Variants in SRRM4 observed in about 807,000 individuals in gnomAD.
SRRM4 encodes serine/arginine repetitive matrix protein 4.
A neutral mutation model predicts 68.9 loss-of-function variants in SRRM4; 33 were observed. The ratio of observed to expected loss-of-function variants is 0.48; its 90% confidence interval spans 0.36 to 0.64. The LOEUF (loss-of-function observed/expected upper bound fraction) is 0.64, where lower values mean the gene tolerates loss of function less well. Ranked by LOEUF, SRRM4 falls within the 30% of genes least tolerant of loss-of-function variation. The pLI, the probability that SRRM4 is intolerant of heterozygous loss-of-function variation, is 0.00. For missense variants in SRRM4, 817 were observed against 827.1 expected (o/e 0.99, Z 0.15); for synonymous variants, 318 against 318.8 (o/e 1.00, Z 0.03).
At position 119,154,408 on chromosome 12, in the gene SRRM4, C is replaced by T. The variant is rs548867491; in HGVS notation, c.1532+25C>T. The stretch of plus-strand genomic sequence containing the variant: ...GGTGAGGCCAGGGGGCAAGGGGGAC[C>T]CACCTTCATCCTCGTTCCCACTCCC... On this transcript the variant is annotated intron_variant, in intron 12 of 12. Transcript: ENST00000267260. This position sits in a 1 kb window ranked among gnomAD's most constrained non-coding sequence, Gnocchi z 4.7. 7.5e-6 allele frequency: 12 copies of T among 1,608,070 alleles called. No individual in the cohort carries two copies. In the South Asian group the frequency reaches 8.9e-5, roughly 12 times the overall value.
At chr12:119,109,114 G>T (rs1954126388) in intron 2 of SRRM4, among the ~76,000 whole-genome samples, 1 of 152,148 alleles carries the variant, frequency 6.6e-6, no homozygotes, top group Non-Finnish European at 1.5e-5. Context: ...ATTCTGGGTT[G>T]AAAATTCTTT....
At chr12:119,035,301 C>T (rs1369565715) in intron 1 of SRRM4, among the ~76,000 whole-genome samples, 1 of 152,122 alleles carries the variant, frequency 6.6e-6, no homozygotes, top group Admixed American at 6.5e-5. Flanking sequence ...TAGTAATTCT[C>T]CCCTGCTTTG....
intron 6 of SRRM4, among the ~76,000 whole-genome samples, chr12:119,122,890 C>T (rs1015072436): frequency 1.3e-5 from 2 of 152,122 alleles, no homozygotes; most frequent in Non-Finnish European, 2.9e-5. Flanking sequence ...GTCAGTTAAG[C>T]TCCTAGCTCC....
intron 1 of SRRM4, among the ~76,000 whole-genome samples, chr12:119,046,214 T>A (rs1337906461): frequency 6.6e-6 from 1 of 152,108 alleles, no homozygotes; most frequent in African/African-American, 2.4e-5. Context: ...GCAGTGGTCC[T>A]ATCTTCACCC....
At chr12:119,050,407 G>T (rs1349479795) in intron 1 of SRRM4, among the ~76,000 whole-genome samples, 2 of 152,196 alleles carry the variant, frequency 1.3e-5, no homozygotes, top group Non-Finnish European at 2.9e-5. Flanking sequence ...AGGGCCTCTT[G>T]GGGATTTTGC....
intron 1 of SRRM4, among the ~76,000 whole-genome samples, chr12:119,079,001 G>A (rs368047218): frequency 6.6e-6 from 1 of 152,222 alleles, no homozygotes; most frequent in East Asian, 1.9e-4. Flanking sequence ...TGGACGCTGT[G>A]TTAGATTCTG....
chr12:119,121,217 T>G (rs1011222459), intron 5 of SRRM4, among the ~76,000 whole-genome samples: 3 of 152,190 alleles, frequency 2.0e-5, no homozygotes, highest in African/African-American at 7.2e-5. Context: ...AACATGAAGA[T>G]AGATCCTGTG....
Position 118,981,888 on chromosome 12 carries a change from G to A in SRRM4, c.6G>A (p.Ala2=), listed in dbSNP as rs1307085686. The stretch of plus-strand genomic sequence containing the variant: ...CCGGCCCCTTTGGGTTGGCGATGGC[G>A]AGCGTTCAGCAAGGCGAGAAGCAGC... The part of the protein sequence containing the change: M[A]SVQQGEKQLF... Residue 2 remains alanine (A), a synonymous_variant, in exon 1 of 13, where the codon GCG becomes GCA. Coordinates refer to ENST00000267260, the MANE Select transcript of SRRM4 (RefSeq NM_194286.4). 1 of 1,613,544 alleles carries A rather than the reference G, an allele frequency of 6.2e-7. No individual in the cohort carries two copies. Among genetic ancestry groups the A allele is most frequent in the South Asian group, 1.1e-5 (1 of 90,938 alleles).
rs1372333060 is a variant in SRRM4, at chr12:119,120,288, G to C, written c.464+12G>C. 1.9e-6 allele frequency: 3 copies of C among 1,548,860 alleles called. No homozygotes were observed. Among genetic ancestry groups the C allele is most frequent in the Non-Finnish European group, 2.6e-6 (3 of 1,146,230 alleles). On this transcript the variant is annotated intron_variant, in intron 5 of 12. Coordinates refer to ENST00000267260, the MANE Select transcript of SRRM4 (RefSeq NM_194286.4). ...AAGAGAAGGCACAGGTAAGACTCTT[G>C]TTCTCTGACTGCCTGTTCAATTTTC...
At chr12:119,100,404 C>T (rs1223144786) in intron 1 of SRRM4, among the ~76,000 whole-genome samples, 1 of 150,578 alleles carries the variant, frequency 6.6e-6, no homozygotes, top group Non-Finnish European at 1.5e-5. Context: ...GTCAGAGGAT[C>T]ACTTGAGCCA....
intron 1 of SRRM4, chr12:119,031,278 T>C (rs993541552): frequency 6.6e-6 from 1 of 152,182 alleles, no homozygotes; most frequent in African/African-American, 2.4e-5. Flanking sequence ...CCAAGTGGGC[T>C]CCTTCATAGA....
In SRRM4 at chr12:119,069,871, A is replaced by G. The variant is rs144587995; in HGVS notation, c.132-32365A>G. Among the ~76,000 whole-genome samples, 477 of 152,270 alleles carry G rather than the reference A, an allele frequency of 3.1e-3. 1 individual carries two copies. The highest frequency in any genetic ancestry group is 0.011 in the African/African-American group (455 of 41,546). ...TGCATTTCCAACACTTTGGAGGATA[A>G]CAGAAGAAACTAGCCTTTAAACCAG... On this transcript the variant is annotated intron_variant, in intron 1 of 12. Transcript: ENST00000267260.
intron 1 of SRRM4, among the ~76,000 whole-genome samples, chr12:119,030,080 A>T (rs4526826): frequency 0.3 from 45,700 of 152,174 alleles, 7,208 homozygotes; most frequent in Non-Finnish European, 0.35. Flanking sequence ...AATGAAACGG[A>T]ACAGCAACAG....
intron 1 of SRRM4, among the ~76,000 whole-genome samples, chr12:119,099,811 T>C (rs188502868): frequency 6.6e-6 from 1 of 152,316 alleles, no homozygotes; most frequent in Admixed American, 6.5e-5. Context: ...CCTCTCCATA[T>C]GGCTGCTTGA....
intron 1 of SRRM4, among the ~76,000 whole-genome samples, chr12:119,024,331 C>T (rs1953534321): frequency 6.6e-6 from 1 of 152,220 alleles, no homozygotes; most frequent in South Asian, 2.1e-4. Flanking sequence ...TCACTGCTAC[C>T]TTGCAGCGTA....
chr12:119,106,190 C>A (rs1030703987), intron 2 of SRRM4, among the ~76,000 whole-genome samples: 7 of 152,290 alleles, frequency 4.6e-5, no homozygotes, highest in Non-Finnish European at 8.8e-5. Flanking sequence ...GTACCAGTAC[C>A]ATGCTGTTTT....
At chr12:119,105,425 C>T (rs990403097) in intron 2 of SRRM4, among the ~76,000 whole-genome samples, 1 of 152,204 alleles carries the variant, frequency 6.6e-6, no homozygotes, top group Admixed American at 6.5e-5. Flanking sequence ...AACTAGTTTA[C>T]ACTCCCACCA....
intron 1 of SRRM4, among the ~76,000 whole-genome samples, chr12:118,990,790 C>T (rs1953311598): frequency 6.6e-6 from 1 of 152,020 alleles, no homozygotes; most frequent in East Asian, 1.9e-4. Flanking sequence ...CATCTAAAGC[C>T]CTCTATCACT....
At chr12:118,985,509 A>C (rs1440671368) in intron 1 of SRRM4, among the ~76,000 whole-genome samples, 1 of 152,216 alleles carries the variant, frequency 6.6e-6, no homozygotes, top group Non-Finnish European at 1.5e-5. Context: ...AGGTGTCATT[A>C]GTAATTACCT....
Sources: allele counts gnomAD v4.1 joint callset (sites outside exome capture counted in the v4.1 genomes callset), GRCh38; gene constraint gnomAD v4.1.1; non-coding constraint Gnocchi (gnomAD v3.1); transcripts MANE v1.5; gene names NCBI Gene and HGNC (gene_info 2026-07-23, HGNC 2026-07-21).